Variants in ASIC2 observed in about 807,000 individuals in gnomAD.
The protein encoded by ASIC2 is acid sensing ion channel subunit 2.
ASIC2 carries 25 observed loss-of-function variants against 57.3 expected under a neutral mutation model. The ratio of observed to expected loss-of-function variants is 0.44; its 90% CI spans 0.32 to 0.61. The LOEUF (loss-of-function observed/expected upper bound fraction) is 0.61. Among genes scored for constraint, ASIC2 ranks in the 20% least tolerant of loss-of-function variants. The pLI is 0.06. For missense variants in ASIC2, 641 were observed against 738.1 expected (o/e 0.87, Z 1.52); for synonymous variants, 319 against 307.5 (o/e 1.04, Z -0.39).
chr17:34,099,837 A>ATAGT (rs1910795220), intron 1 of ASIC2, among the ~76,000 whole-genome samples: 1 of 152,214 alleles, frequency 6.6e-6, no homozygotes, highest in Non-Finnish European at 1.5e-5. Flanking sequence ...AAGGCTGCAA[A>ATAGT]TAGTTCATTG....
intron 1 of ASIC2, among the ~76,000 whole-genome samples, chr17:33,188,513 C>T (rs964817768): frequency 7.2e-5 from 11 of 151,982 alleles, no homozygotes; most frequent in African/African-American, 2.7e-4. Context: ...CAAAGCATAT[C>T]AAAACCAAAT....
intron 1 of ASIC2, among the ~76,000 whole-genome samples, chr17:34,103,867 CAT>C (rs1486472012): frequency 2.0e-5 from 3 of 152,096 alleles, no homozygotes; most frequent in African/African-American, 4.8e-5. Flanking sequence ...GCTTTATATT[CAT>C]ATGTCTTGAA....
At chr17:33,363,811 C>T (rs1247632157) in intron 1 of ASIC2, among the ~76,000 whole-genome samples, 1 of 152,204 alleles carries the variant, frequency 6.6e-6, no homozygotes, top group Non-Finnish European at 1.5e-5. Flanking sequence ...TGCTTTCCAT[C>T]TGGACCCTCC....
At chr17:33,573,226 C>T (rs1916507247) in intron 1 of ASIC2, among the ~76,000 whole-genome samples, 2 of 152,272 alleles carry the variant, frequency 1.3e-5, no homozygotes, top group South Asian at 4.1e-4. Flanking sequence ...ATTTCCTGCT[C>T]CAACCTGTGT....
chr17:33,083,621 A>T (rs1393072410), intron 3 of ASIC2, among the ~76,000 whole-genome samples: 1 of 152,202 alleles, frequency 6.6e-6, no homozygotes, highest in South Asian at 2.1e-4. Flanking sequence ...GGCCTTTGCC[A>T]GGTAGATGAA....
chr17:34,155,944 A>T (rs1291774875), intron 1 of ASIC2: 1 of 1,570,858 alleles, frequency 6.4e-7, no homozygotes, highest in Non-Finnish European at 8.6e-7. Flanking sequence ...TCTCCAGAGG[A>T]CCAGACAGAG....
At chr17:33,911,839 G>A (rs1377253947) in intron 1 of ASIC2, among the ~76,000 whole-genome samples, 1 of 152,114 alleles carries the variant, frequency 6.6e-6, no homozygotes, top group Admixed American at 6.5e-5. Context: ...CAGTGGATCG[G>A]CTGGGCACGG....
At chr17:33,071,261 G>T (rs1375913692) in intron 3 of ASIC2, among the ~76,000 whole-genome samples, 2 of 152,130 alleles carry the variant, frequency 1.3e-5, no homozygotes, top group Admixed American at 6.5e-5. Flanking sequence ...ACTGGAAGTT[G>T]TCTCATTGCT....
chr17:34,081,447 C>G (rs549471216), intron 1 of ASIC2, among the ~76,000 whole-genome samples: 1 of 152,290 alleles, frequency 6.6e-6, no homozygotes, highest in East Asian at 1.9e-4. Flanking sequence ...CTCCTTGGTT[C>G]TACACCAGCA....
At chr17:34,102,501 T>C (rs1002473088) in intron 1 of ASIC2, among the ~76,000 whole-genome samples, 5 of 152,090 alleles carry the variant, frequency 3.3e-5, no homozygotes, top group African/African-American at 1.2e-4. Flanking sequence ...CAGAAAACCA[T>C]CATTTTGGCC....
chr17:33,405,990 C>A (rs574633207), intron 1 of ASIC2, among the ~76,000 whole-genome samples: 121 of 151,726 alleles, frequency 8.0e-4, no homozygotes, highest in Non-Finnish European at 1.6e-3. Flanking sequence ...CCCTGCCCTG[C>A]CTTTCCCATG....
intron 1 of ASIC2, among the ~76,000 whole-genome samples, chr17:33,787,115 G>A (rs754377350): frequency 6.6e-6 from 1 of 152,188 alleles, no homozygotes; most frequent in African/African-American, 2.4e-5. Flanking sequence ...TGGTACAGGA[G>A]CACAGTACGG....
intron 1 of ASIC2, among the ~76,000 whole-genome samples, chr17:33,736,223 A>G (rs1909906738): frequency 1.3e-5 from 2 of 151,984 alleles, no homozygotes; most frequent in African/African-American, 2.4e-5. Context: ...TCCCACAATG[A>G]GAGAAAAGAT....
At chr17:34,099,394 A>AG (rs140433645) in intron 1 of ASIC2, among the ~76,000 whole-genome samples, 3,547 of 145,562 alleles carry the variant, frequency 0.024, 171 homozygotes, top group African/African-American at 0.088. Flanking sequence ...GAAAGAGGAA[A>AG]AAAGAGAGGA....
chr17:33,374,981 T>C (rs976632231), intron 1 of ASIC2, among the ~76,000 whole-genome samples: 13 of 152,240 alleles, frequency 8.5e-5, no homozygotes, highest in Non-Finnish European at 1.3e-4. Flanking sequence ...TCAGAGATTC[T>C]GCTTCACTAG....
intron 3 of ASIC2, among the ~76,000 whole-genome samples, chr17:33,084,478 T>C (rs1253684175): frequency 6.6e-6 from 1 of 152,262 alleles, no homozygotes; most frequent in Non-Finnish European, 1.5e-5. Context: ...AGAAAGAGCA[T>C]GGGTGCGGGA....
At chr17:34,099,316 AG>A in intron 1 of ASIC2, among the ~76,000 whole-genome samples, 2 of 149,630 alleles carry the variant, frequency 1.3e-5, no homozygotes, top group African/African-American at 4.9e-5. Flanking sequence ...AAAGAAAGAA[AG>A]GAAAGAAAGA....
intron 3 of ASIC2, among the ~76,000 whole-genome samples, chr17:33,036,497 C>T (rs896901402): frequency 6.6e-6 from 1 of 152,128 alleles, no homozygotes; most frequent in African/African-American, 2.4e-5. Context: ...GTGCCATGAT[C>T]ATAGCTCACT....
At chr17:33,311,460 A>T (rs1042383895) in intron 1 of ASIC2, among the ~76,000 whole-genome samples, 1 of 149,180 alleles carries the variant, frequency 6.7e-6, no homozygotes, top group Non-Finnish European at 1.5e-5. Flanking sequence ...GTGTGTGTAG[A>T]TGTGTGTAGG....
Sources: allele counts gnomAD v4.1 joint callset (sites outside exome capture counted in the v4.1 genomes callset), GRCh38; gene constraint gnomAD v4.1.1; transcripts MANE v1.5; gene names NCBI Gene and HGNC (gene_info 2026-07-23, HGNC 2026-07-21).